The following NAT1 variants were observed in gnomAD, a reference collection of about 807,000 sequenced individuals.
NAT1 encodes N-acetyltransferase 1.
For synonymous variants in NAT1, 144 were observed against 122.6 expected (o/e 1.17, Z -1.16); for missense variants, 400 against 339.2 (o/e 1.18, Z -1.41).
At chr8:18,187,060 C>A (rs945510100) in intron 2 of NAT1, among the ~76,000 whole-genome samples, 1 of 152,136 alleles carries the variant, frequency 6.6e-6, no homozygotes, top group Non-Finnish European at 1.5e-5. Flanking sequence ...GCCATAACAT[C>A]TTTTGCCACC....
rs530451648 is a variant in NAT1, at chr8:18,218,286, C to T, written c.-85-1125C>T. On this transcript the variant is annotated intron_variant, in intron 1 of 2. Transcript: ENST00000307719. ...TGGCCCCAATTCTAAAAAAAGTTCA[C>T]GTTTTGATGAAAAAAAGATATGGGC... 7.2e-5 allele frequency among the ~76,000 whole-genome samples: 11 copies of T among 152,184 alleles called. No individual in the cohort carries two copies. The East Asian group carries it at 1.2e-3, about 16-fold the overall frequency.
At chr8:18,197,111 T>G (rs1196428739) in intron 2 of NAT1, among the ~76,000 whole-genome samples, 2 of 152,030 alleles carry the variant, frequency 1.3e-5, no homozygotes, top group Non-Finnish European at 2.9e-5. Flanking sequence ...GAGAACTAAC[T>G]CACTATTATG....
chr8:18,187,032 TAAA>T (rs2117241417), intron 2 of NAT1, among the ~76,000 whole-genome samples: 2 of 152,266 alleles, frequency 1.3e-5, no homozygotes, highest in South Asian at 2.1e-4. Flanking sequence ...CATTTGTACT[TAAA>T]CACCTGTATT....
chr8:18,187,936 A>AACACACACACACACACAC lies in NAT1; in HGVS notation n.92+17224_92+17241dup, dbSNP rs35203470. 8.4e-3 allele frequency among the ~76,000 whole-genome samples: 1,152 copies of AACACACACACACACACAC among 137,480 alleles called. 20 individuals carry two copies. The highest frequency in any genetic ancestry group is 0.014 in the East Asian group (63 of 4,450). The allele number at this position is 137,480 out of a possible 152,430, so 90.2% of individuals were successfully genotyped here. ...TTGTATGCTATTATCTTGTATCTTA[A>AACACACACACACACACAC]ACACACACACACACACACACACACA... On this transcript the variant is annotated intron_variant and non_coding_transcript_variant, in intron 2 of 4. Coordinates refer to the NAT1 transcript ENST00000517441.
At chr8:18,193,760 G>C (rs917987246) in intron 2 of NAT1, among the ~76,000 whole-genome samples, 2 of 145,240 alleles carry the variant, frequency 1.4e-5, no homozygotes, top group South Asian at 2.2e-4. Flanking sequence ...TCCTGCCTTA[G>C]TCTCCTGAGT....
chr8:18,181,630 G>T (rs73589905), intron 2 of NAT1, among the ~76,000 whole-genome samples: 1 of 152,146 alleles, frequency 6.6e-6, no homozygotes, highest in African/African-American at 2.4e-5. Flanking sequence ...TAAAAGTGGT[G>T]AAAGTGGGCA....
chr8:18,206,559 A>T (rs1037028830), upstream of NAT1, among the ~76,000 whole-genome samples: 1 of 152,252 alleles, frequency 6.6e-6, no homozygotes, highest in Non-Finnish European at 1.5e-5. Context: ...TAGTCGAGAA[A>T]AAAATAAAAA....
At chr8:18,221,999 T>A in intron 2 of NAT1, 43 bp from the exon 3 acceptor site, 3 of 1,556,410 alleles carry the variant, frequency 1.9e-6, no homozygotes, top group Non-Finnish European at 2.6e-6. Flanking sequence ...AATCCAAGTG[T>A]AAAAGTAAAA....
rs117772487 is a variant in NAT1, at chr8:18,187,054, T to C, written n.92+16315T>C. Among the ~76,000 whole-genome samples the C allele has an allele frequency of 4.2e-3, 639 of 152,296 alleles. 3 individuals are homozygous for C. The highest frequency in any genetic ancestry group is 3.3e-3 in the Non-Finnish European group (225 of 68,022). ...ACTTAAACACCTGTATTCCCCGCCATAACATCTTTTGCCACCTATAGCTGG... is the reference window on the plus strand; with the variant it reads ...ACTTAAACACCTGTATTCCCCGCCACAACATCTTTTGCCACCTATAGCTGG... On this transcript the variant is annotated intron_variant and non_coding_transcript_variant, in intron 2 of 4. Transcript: ENST00000517441.
chr8:18,204,329 T>C (rs1468772769), intron 2 of NAT1, among the ~76,000 whole-genome samples: 2 of 152,164 alleles, frequency 1.3e-5, no homozygotes, highest in Non-Finnish European at 2.9e-5. Context: ...CAGCCTTCAC[T>C]TGGGTGTACA....
upstream of NAT1, among the ~76,000 whole-genome samples, chr8:18,208,894 C>T (rs552996995): frequency 9.9e-5 from 15 of 152,276 alleles, 1 homozygote; most frequent in Admixed American, 7.2e-4. Flanking sequence ...AGTGGCCTTC[C>T]GCCAGACCCT....
At chr8:18,218,734 A>C (rs1320906700) in intron 1 of NAT1, among the ~76,000 whole-genome samples, 1 of 152,050 alleles carries the variant, frequency 6.6e-6, no homozygotes, top group Non-Finnish European at 1.5e-5. Flanking sequence ...CTTATTCAGG[A>C]ACCAAAAAGG....
intron 2 of NAT1, among the ~76,000 whole-genome samples, chr8:18,176,544 T>C (rs911691971): frequency 6.6e-6 from 1 of 152,070 alleles, no homozygotes; most frequent in Non-Finnish European, 1.5e-5. Flanking sequence ...GGCATTCTAT[T>C]GTGTTTCATT....
At chr8:18,214,796 C>T (rs1416141075) in intron 1 of NAT1, among the ~76,000 whole-genome samples, 1 of 152,188 alleles carries the variant, frequency 6.6e-6, no homozygotes, top group South Asian at 2.1e-4. Flanking sequence ...GGTATTAAGC[C>T]TACTACCCGT....
intron 2 of NAT1, among the ~76,000 whole-genome samples, chr8:18,188,925 G>A (rs372980662): frequency 1.3e-4 from 18 of 143,530 alleles, no homozygotes; most frequent in Admixed American, 1.1e-3. Context: ...AACCCGAGAG[G>A]TGGAGACTGC....
chr8:18,190,820 G>A (rs1297721759), intron 2 of NAT1, among the ~76,000 whole-genome samples: 4 of 151,894 alleles, frequency 2.6e-5, no homozygotes, highest in African/African-American at 7.3e-5. Context: ...TAATCCCAGC[G>A]CTTTGGGAGG....
At chr8:18,200,282 G>T (rs965164417) in intron 2 of NAT1, among the ~76,000 whole-genome samples, 1 of 151,620 alleles carries the variant, frequency 6.6e-6, no homozygotes, top group African/African-American at 2.4e-5. Context: ...CAAAGATATG[G>T]AATCAACCTA....
At chr8:18,214,773 A>AT (rs1804466424) in intron 1 of NAT1, among the ~76,000 whole-genome samples, 2 of 152,208 alleles carry the variant, frequency 1.3e-5, no homozygotes, top group East Asian at 3.9e-4. Context: ...TGTTGTACAG[A>AT]TTTTATCACC....
At chr8:18,191,340 C>G (rs1802981659) in intron 2 of NAT1, among the ~76,000 whole-genome samples, 1 of 152,010 alleles carries the variant, frequency 6.6e-6, no homozygotes, top group African/African-American at 2.4e-5. Context: ...TTTAATAAAA[C>G]CTCTGAAGTT....
Sources: allele counts gnomAD v4.1 joint callset (sites outside exome capture counted in the v4.1 genomes callset), GRCh38; gene constraint gnomAD v4.1.1; transcripts MANE v1.5; gene names NCBI Gene and HGNC (gene_info 2026-07-23, HGNC 2026-07-21).